Variants in SPAG17 observed in about 807,000 individuals in gnomAD.
SPAG17 encodes sperm associated antigen 17, also known as sperm-associated antigen 17.
Under a neutral mutation model 273.6 loss-of-function variants are expected in SPAG17, and 169 were observed. That is an observed-to-expected ratio of 0.62 (90% CI 0.55 to 0.70). The LOEUF (loss-of-function observed/expected upper bound fraction) is 0.70, where lower values mean the gene tolerates loss of function less well. Among genes scored for constraint, SPAG17 ranks in the 30% least tolerant of loss-of-function variants. The pLI, the probability that SPAG17 is intolerant of heterozygous loss-of-function variation, is 0.00. For missense variants in SPAG17, 2,557 were observed against 2,627.8 expected, an observed-to-expected ratio of 0.97 and a Z score of 0.59; for synonymous variants, 825 against 873.2, an observed-to-expected ratio of 0.94 and a Z score of 0.97.
At chr1:118,115,969 C>T (rs777634436) in intron 3 of SPAG17, among the ~76,000 whole-genome samples, 103 of 152,326 alleles carry the variant, frequency 6.8e-4, no homozygotes, top group Non-Finnish European at 2.1e-4. Context: ...ATGAATGTTG[C>T]TCCCCCTTGC....
chr1:118,066,772 A>T lies in SPAG17; in HGVS notation c.2513T>A (p.Ile838Asn). Residue 838 changes from isoleucine to asparagine, a missense_variant, in exon 18 of 49, where the codon ATT becomes AAT. Ile to Asn is a moderately radical substitution (Grantham distance 149). Transcript: ENST00000336338. ...RQRLHCEYWNIALHSNVGFRN... is the reference protein window; with the variant it reads ...RQRLHCEYWNNALHSNVGFRN... ...GAATCCAACATTGGAGTGGAGAGCA[A>T]TGTTCCAATATTCACAATGCAAACG... 2 of 1,611,946 alleles carry T rather than the reference A, an allele frequency of 1.2e-6. No homozygotes were observed.
intron 4 of SPAG17, among the ~76,000 whole-genome samples, chr1:118,103,333 G>A (rs1010439398): frequency 1.6e-4 from 24 of 152,130 alleles, no homozygotes; most frequent in Non-Finnish European, 3.1e-4. Context: ...CTTAACAATA[G>A]AATTTCAATG....
chr1:118,038,470 G>A (rs915322535), intron 23 of SPAG17, among the ~76,000 whole-genome samples: 1 of 152,088 alleles, frequency 6.6e-6, no homozygotes, highest in African/African-American at 2.4e-5. Flanking sequence ...ACCTGTACAC[G>A]AATATTTGTA....
intron 4 of SPAG17, among the ~76,000 whole-genome samples, chr1:118,111,223 C>T (rs1656735753): frequency 6.6e-6 from 1 of 151,964 alleles, no homozygotes; most frequent in African/African-American, 2.4e-5. Context: ...TAAAAGCAAG[C>T]CAATTAGGAA....
chr1:118,112,948 T>G (rs569344694), intron 4 of SPAG17, among the ~76,000 whole-genome samples: 1 of 152,234 alleles, frequency 6.6e-6, no homozygotes, highest in East Asian at 1.9e-4. Flanking sequence ...TAAAAAGTTT[T>G]GATTGATTAA....
In SPAG17 at chr1:118,149,224, T is replaced by G. The variant is rs539910197; in HGVS notation, c.315+1319A>C. ...AGTGAAGAATATGCAACCAAGAGTC[T>G]CAGCACATATTGGAGAGGAATGGCT... On this transcript the variant is annotated intron_variant, in intron 3 of 48. Transcript: ENST00000336338. Among the ~76,000 whole-genome samples, 143 of 152,286 alleles carry G rather than the reference T, an allele frequency of 9.4e-4. 1 individual carries two copies. Among genetic ancestry groups the G allele is most frequent in the African/African-American group, 3.2e-3 (134 of 41,550 alleles).
chr1:118,142,605 A>G (rs1658741718), intron 3 of SPAG17, among the ~76,000 whole-genome samples: 1 of 152,222 alleles, frequency 6.6e-6, no homozygotes, highest in South Asian at 2.1e-4. Context: ...GCTAAACTTT[A>G]TGGACACTTA....
chr1:117,959,088 T>G, intron 48 of SPAG17: 1 of 1,392,742 alleles, frequency 7.2e-7, no homozygotes, highest in Non-Finnish European at 1.0e-6. Context: ...GCTTTGTCTT[T>G]AGCAATACCC....
intron 15 of SPAG17, among the ~76,000 whole-genome samples, chr1:118,078,740 T>G (rs1654302515): frequency 6.6e-6 from 1 of 152,064 alleles, no homozygotes; most frequent in Non-Finnish European, 1.5e-5. Flanking sequence ...TATGATTGAG[T>G]AGTGTTTCTT....
At position 117,959,298 on chromosome 1, in the gene SPAG17, A is replaced by G; in HGVS notation, c.*4501T>C. On this transcript the variant is annotated intron_variant, in intron 48 of 48. Transcript: ENST00000336338. ...TTCTTGTATTGCACTCCAGGATGTT[A>G]TCGGCTTCAATATGGCTGGTCTTGA... 2 of 1,610,596 alleles carry G rather than the reference A, an allele frequency of 1.2e-6. No homozygotes were observed. Among genetic ancestry groups the G allele is most frequent in the Non-Finnish European group, 1.7e-6 (2 of 1,179,096 alleles).
At chr1:118,128,271 C>T (rs922638480) in intron 3 of SPAG17, among the ~76,000 whole-genome samples, 5 of 152,000 alleles carry the variant, frequency 3.3e-5, no homozygotes, top group Non-Finnish European at 7.4e-5. Context: ...CCACCTTTAC[C>T]AAATTTATTA....
chr1:117,977,349 C>A (rs145151367), intron 43 of SPAG17, among the ~76,000 whole-genome samples: 1 of 152,110 alleles, frequency 6.6e-6, no homozygotes, highest in East Asian at 1.9e-4. Flanking sequence ...AATAAATATT[C>A]TTTTCTCTTC....
intron 1 of SPAG17, among the ~76,000 whole-genome samples, chr1:118,174,807 T>G (rs1191023656): frequency 6.6e-6 from 1 of 152,186 alleles, no homozygotes; most frequent in Non-Finnish European, 1.5e-5. Flanking sequence ...GGCACTGGGA[T>G]GATATATTTA....
At chr1:118,061,454 G>A (rs543944508) in intron 18 of SPAG17, among the ~76,000 whole-genome samples, 10 of 152,248 alleles carry the variant, frequency 6.6e-5, no homozygotes, top group African/African-American at 1.9e-4. Flanking sequence ...GACAAATACC[G>A]GCTGATTCCA....
At position 118,030,013 on chromosome 1, in the gene SPAG17, G is replaced by C. The variant is rs925360382; in HGVS notation, c.3610-1619C>G. Among the ~76,000 whole-genome samples the C allele has an allele frequency of 2.9e-4, 44 of 152,216 alleles. 1 individual carries two copies. Among genetic ancestry groups the C allele is most frequent in the African/African-American group, 9.6e-4 (40 of 41,552 alleles). On this transcript the variant is annotated intron_variant, in intron 25 of 48. Coordinates refer to ENST00000336338, the MANE Select transcript of SPAG17 (RefSeq NM_206996.4). Reference sequence around the variant, plus strand: ...AAATCTGTCAGCACACATAAAACTAGTATCATCCTCACCCTTCCATTATCA... The same window carrying C: ...AAATCTGTCAGCACACATAAAACTACTATCATCCTCACCCTTCCATTATCA...
chr1:117,965,088 A>C (rs745558045), intron 47 of SPAG17: 3 of 152,140 alleles, frequency 2.0e-5, no homozygotes, highest in Non-Finnish European at 2.9e-5. Flanking sequence ...TCCTTTAATA[A>C]ATTTTCTTGA....
Position 117,973,451 on chromosome 1 carries a change from TG to T in SPAG17, c.6114del (p.Lys2039SerfsTer18), listed in dbSNP as rs1311905271. On this transcript the variant is annotated frameshift_variant, in exon 44 of 49. Coordinates refer to ENST00000336338, the MANE Select transcript of SPAG17 (RefSeq NM_206996.4). LOFTEE classifies it high-confidence loss of function. ...KVKLPHYLLSSKPKSQPLAKV... is the reference protein window; with the variant it reads ...KVKLPHYLLSXKPKSQPLAKV... ...TTTGCAAGAGGTTGAGACTTAGGCT[TG>T]GAACTCAGCAAATAATGAGGCAACT... 5.0e-6 allele frequency: 8 copies of T among 1,613,900 alleles called. No individual in the cohort carries two copies. Among genetic ancestry groups the T allele is most frequent in the Non-Finnish European group, 6.8e-6 (8 of 1,179,824 alleles).
chr1:117,987,875 T>C lies in SPAG17; in HGVS notation c.5628A>G (p.Thr1876=), dbSNP rs1225346929. 6.2e-7 allele frequency: 1 copy of C among 1,611,316 alleles called. No homozygotes were observed. Among genetic ancestry groups the C allele is most frequent in the Non-Finnish European group, 8.5e-7 (1 of 1,177,812 alleles). ...KDFFEKTWRH[T]ASSKRWKEKI... is the part of the protein sequence containing the mutation. ...TTTCTTTCCAGCGTTTTGAGGATGCTGTGTGTCTATGTGAAAGGAAAGGAA... is the reference window on the plus strand; with the variant it reads ...TTTCTTTCCAGCGTTTTGAGGATGCCGTGTGTCTATGTGAAAGGAAAGGAA... The change falls in exon 40 of 49, where the codon ACA becomes ACG. Residue 1876 remains threonine (T), a synonymous_variant. Transcript: ENST00000336338.
chr1:118,169,908 G>C (rs1027052417), intron 1 of SPAG17, among the ~76,000 whole-genome samples: 7 of 152,138 alleles, frequency 4.6e-5, no homozygotes, highest in Non-Finnish European at 7.4e-5. Flanking sequence ...ATTAAAATGT[G>C]ATTCCTCAAC....
Sources: gnomAD v4.1 joint callset for allele counts (sites outside exome capture counted in the v4.1 genomes callset) on GRCh38, gnomAD v4.1.1 for gene constraint, MANE v1.5 for transcripts, NCBI Gene and HGNC (gene_info 2026-07-23, HGNC 2026-07-21) for gene names.